The following TSTD2 variants were observed in gnomAD, a reference collection of about 807,000 sequenced individuals.
The protein encoded by TSTD2 is thiosulfate sulfurtransferase like domain containing 2.
TSTD2 carries 37 observed loss-of-function variants against 47.9 expected under a neutral mutation model. The observed-to-expected ratio is 0.77, with a 90% CI of 0.59 to 1.02. The LOEUF (loss-of-function observed/expected upper bound fraction) is 1.02. TSTD2 is among the 50% of genes least tolerant of loss of function. TSTD2 has a pLI of 0.00. For missense variants in TSTD2, 586 were observed against 616.0 expected, an observed-to-expected ratio of 0.95 and a Z score of 0.52; for synonymous variants, 201 against 215.9, an observed-to-expected ratio of 0.93 and a Z score of 0.61.
chr9:97,610,113 T>C lies in TSTD2; in HGVS notation c.835+233A>G, dbSNP rs571748590. ...GTCTTTGGAAAGAGCAAACAACTAA[T>C]TGATAAACCATCACCAAGAGGAATA... On this transcript the variant is annotated intron_variant, in intron 6 of 9. Transcript: ENST00000341170. 8.7e-5 allele frequency: 30 copies of C among 343,942 alleles called. 1 individual carries two copies. Among genetic ancestry groups the C allele is most frequent in the Non-Finnish European group, 1.5e-4 (28 of 186,818 alleles). The allele number at this position is 343,942 out of a possible 1,614,324, so 21.3% of individuals were successfully genotyped here.
chr9:97,604,955 G>A, intron 8 of TSTD2, 90 bp from the exon 9 acceptor site: 1 of 1,534,610 alleles, frequency 6.5e-7, no homozygotes, highest in Non-Finnish European at 8.7e-7. Context: ...GAGGAGTGCT[G>A]ACGTAGAGGA....
Position 97,602,330 on chromosome 9 carries a change from T to C in TSTD2, c.*139A>G. ...TGACTCCTCCCCTCCCGCTGTGAAG[T>C]GTAGACGGCTGCCACGGTGGCAGCG... On this transcript the variant is annotated 3_prime_UTR_variant, in exon 10 of 10. Transcript: ENST00000341170. 7.0e-6 allele frequency: 7 copies of C among 1,002,884 alleles called. No individual in the cohort carries two copies. Among genetic ancestry groups the C allele is most frequent in the Non-Finnish European group, 1.0e-5 (7 of 703,344 alleles). The allele number at this position is 1,002,884 out of a possible 1,614,324, so 62.1% of individuals were successfully genotyped here. A position where few individuals can be genotyped will look rare whatever the true frequency, so the allele number is the denominator to read the frequency against.
At position 97,601,277 on chromosome 9, in the gene TSTD2, A is replaced by G; in HGVS notation, c.*1192T>C. On this transcript the variant is annotated 3_prime_UTR_variant, in exon 10 of 10. Coordinates refer to ENST00000341170, the MANE Select transcript of TSTD2 (RefSeq NM_139246.5). The stretch of plus-strand genomic sequence containing the variant: ...GCATGGCTGCGTATGTGTTTCTTGG[A>G]ACCTGTGTGACAGGGACATGTGCCT... The G allele has an allele frequency of 8.4e-7, 1 of 1,197,052 alleles. No individual in the cohort carries two copies. The highest frequency in any genetic ancestry group is 1.1e-6 in the Non-Finnish European group (1 of 935,664). 74.2% of individuals were successfully genotyped at this position (1,197,052 alleles called of 1,614,324 possible).
chr9:97,615,766 T>C (rs1041269058), intron 4 of TSTD2, among the ~76,000 whole-genome samples: 2 of 152,214 alleles, frequency 1.3e-5, no homozygotes, highest in Non-Finnish European at 2.9e-5. Flanking sequence ...AAGAGGCTGT[T>C]TTCAAACCTT....
rs577144438 is a variant in TSTD2 at position 97,613,946 on chromosome 9, G to C, written c.604-2247C>G. ...CAGGTTCACACCATTCTCCTGCCTC[G>C]GCCTCCCAAGTAGCTGGGACTACAG... On this transcript the variant is annotated intron_variant, in intron 4 of 9. Coordinates refer to ENST00000341170, the MANE Select transcript of TSTD2 (RefSeq NM_139246.5). 7.3e-5 allele frequency among the ~76,000 whole-genome samples: 11 copies of C among 150,620 alleles called. No individual in the cohort carries two copies. The South Asian group carries it at 2.1e-3, about 29-fold the overall frequency.
chr9:97,616,543 G>C (rs996883845), intron 4 of TSTD2, among the ~76,000 whole-genome samples: 1 of 152,208 alleles, frequency 6.6e-6, no homozygotes, highest in African/African-American at 2.4e-5. Context: ...GTGTGGAAGA[G>C]AGAAGGGAAC....
intron 1 of TSTD2, among the ~76,000 whole-genome samples, chr9:97,632,071 A>ACT (rs112875270): frequency 0.12 from 17,894 of 152,054 alleles, 2,983 homozygotes; most frequent in African/African-American, 0.36. Flanking sequence ...AGCATTCAGA[A>ACT]CTCTGCCTGG....
chr9:97,615,684 C>G (rs761742526), intron 4 of TSTD2, among the ~76,000 whole-genome samples: 11 of 152,150 alleles, frequency 7.2e-5, no homozygotes, highest in South Asian at 4.1e-4. Context: ...GTGCTGCCAC[C>G]TTGTGGGTAA....
Position 97,601,631 on chromosome 9 carries a change from A to C in TSTD2, c.*838T>G. Reference sequence around the variant, plus strand: ...TTCTGTAAAAGGCCAGACAGTAAAAATTTCCGATTTTGCAGGCCACATAGT... The same window carrying C: ...TTCTGTAAAAGGCCAGACAGTAAAACTTTCCGATTTTGCAGGCCACATAGT... On this transcript the variant is annotated 3_prime_UTR_variant, in exon 10 of 10. Coordinates refer to ENST00000341170, the MANE Select transcript of TSTD2 (RefSeq NM_139246.5). The C allele has an allele frequency of 1.0e-6, 1 of 983,754 alleles. No homozygotes were observed. Among genetic ancestry groups the C allele is most frequent in the Non-Finnish European group, 1.2e-6 (1 of 827,964 alleles). The allele number at this position is 983,754 out of a possible 1,614,324, so 60.9% of individuals were successfully genotyped here.
chr9:97,626,848 C>T (rs1826729522), intron 2 of TSTD2, among the ~76,000 whole-genome samples: 7 of 152,154 alleles, frequency 4.6e-5, no homozygotes, highest in Admixed American at 4.6e-4. Context: ...CATAGCCTCA[C>T]TGAGTTCTAT....
chr9:97,608,561 C>CG (rs899657788), intron 6 of TSTD2, among the ~76,000 whole-genome samples: 5 of 151,954 alleles, frequency 3.3e-5, no homozygotes, highest in Admixed American at 1.3e-4. Context: ...GCTTGAACCC[C>CG]GGGGGAAAAG....
At chr9:97,616,435 G>C (rs1826543090) in intron 4 of TSTD2, among the ~76,000 whole-genome samples, 2 of 152,116 alleles carry the variant, frequency 1.3e-5, no homozygotes, top group South Asian at 4.1e-4. Context: ...TGTGGAGAAT[G>C]GATTAAGTGG....
chr9:97,618,352 G>C (rs1826578828), intron 3 of TSTD2, among the ~76,000 whole-genome samples: 1 of 152,168 alleles, frequency 6.6e-6, no homozygotes, highest in African/African-American at 2.4e-5. Context: ...CAGACAGCCA[G>C]AAAGTGATAG....
At chr9:97,631,542 C>T (rs1287170402) in intron 1 of TSTD2, among the ~76,000 whole-genome samples, 1 of 152,162 alleles carries the variant, frequency 6.6e-6, no homozygotes, top group Admixed American at 6.5e-5. Flanking sequence ...TATCTTCCTC[C>T]TTTGGGAGCA....
chr9:97,609,553 G>T (rs1826423167), intron 6 of TSTD2, among the ~76,000 whole-genome samples: 1 of 152,174 alleles, frequency 6.6e-6, no homozygotes, highest in Non-Finnish European at 1.5e-5. Flanking sequence ...AGCTTAAAAA[G>T]TATGAGACAA....
chr9:97,616,248 G>A (rs147706523), intron 4 of TSTD2, among the ~76,000 whole-genome samples: 5 of 152,162 alleles, frequency 3.3e-5, no homozygotes, highest in Non-Finnish European at 5.9e-5. Context: ...GGAGTATAAT[G>A]AGCAAAGAAC....
At chr9:97,624,715 A>T (rs751442185) in intron 3 of TSTD2, among the ~76,000 whole-genome samples, 1 of 152,084 alleles carries the variant, frequency 6.6e-6, no homozygotes, top group Non-Finnish European at 1.5e-5. Flanking sequence ...ATTAAAGAAG[A>T]GTCTAATGCA....
chr9:97,612,922 C>T (rs6478305), intron 4 of TSTD2, among the ~76,000 whole-genome samples: 14,288 of 152,188 alleles, frequency 0.094, 2,306 homozygotes, highest in African/African-American at 0.33. Context: ...TTCATGCATG[C>T]TGAACAAAAG....
intron 8 of TSTD2, 108 bp downstream of exon 8, chr9:97,605,375 C>G (rs1826347431): frequency 7.2e-7 from 1 of 1,395,384 alleles, no homozygotes; most frequent in Admixed American, 2.2e-5. Context: ...CATGCTTTGG[C>G]TGCCTGGGGG....
Sources: gnomAD v4.1 joint callset for allele counts (sites outside exome capture counted in the v4.1 genomes callset) on GRCh38, gnomAD v4.1.1 for gene constraint, MANE v1.5 for transcripts, NCBI Gene and HGNC (gene_info 2026-07-23, HGNC 2026-07-21) for gene names.